The following GRIN3B variants were observed in gnomAD, a reference collection of about 807,000 sequenced individuals.
GRIN3B encodes the protein glutamate receptor ionotropic, NMDA 3B.
A neutral mutation model predicts 66.0 loss-of-function variants in GRIN3B; 77 were observed. The ratio of observed to expected loss-of-function variants is 1.17; its 90% CI spans 0.97 to 1.41. GRIN3B has a LOEUF of 1.41. GRIN3B is among the 40% of genes most tolerant of loss of function. The pLI, the probability that GRIN3B is intolerant of heterozygous loss-of-function variation, is 0.00. For missense variants in GRIN3B, 1,787 were observed against 1,564.5 expected (o/e 1.14, Z -2.40); for synonymous variants, 823 against 749.7 (o/e 1.10, Z -1.60).
In GRIN3B at chr19:1,003,409, GTCC is replaced by G. The variant is rs1165717015; in HGVS notation, c.712_714del (p.Leu238del). Reference sequence around the variant, plus strand: ...GGGTGAAGCACCGGTACCCGCGGCGGTCCTCCTCGGCTGTGACATCGCCCGTGC... The same window carrying G: ...GGGTGAAGCACCGGTACCCGCGGCGGTCCTCGGCTGTGACATCGCCCGTGC... On this transcript the variant is annotated inframe_deletion, in exon 2 of 9. Transcript: ENST00000234389. The G allele has an allele frequency of 8.4e-6, 13 of 1,549,594 alleles. No individual in the cohort carries two copies. In the African/African-American group the frequency reaches 1.1e-4, roughly 13 times the overall value.
rs145392111 is a variant in GRIN3B, at chr19:1,009,414, G to A, written c.2944G>A (p.Glu982Lys). The part of the protein sequence containing the change: ...ARPTGAPQPG[E>K]LQELERRIEV... The stretch of plus-strand genomic sequence containing the variant: ...GCCCACGGGGGCCCCCCAGCCCGGG[G>A]AGCTGCAGGAGCTGGAGCGCCGCAT... Residue 982 changes from glutamate (E) to lysine (K), a missense_variant, in exon 9 of 9, where the codon GAG becomes AAG. Physicochemically the swap from Glu to Lys is moderately conservative, Grantham distance 56. Transcript: ENST00000234389. 0.019 allele frequency: 27,272 copies of A among 1,439,540 alleles called. 299 individuals are homozygous for A. The highest frequency in any genetic ancestry group is 0.027 in the Middle Eastern group (111 of 4,072). The allele number at this position is 1,439,540 out of a possible 1,614,324, so 89.2% of individuals were successfully genotyped here. A position where few individuals can be genotyped will look rare whatever the true frequency, so the allele number is the denominator to read the frequency against.
At position 1,009,724 on chromosome 19, in the gene GRIN3B, G is replaced by A; in HGVS notation, c.*122G>A. 1.1e-6 allele frequency: 1 copy of A among 871,016 alleles called. No homozygotes were observed. Among genetic ancestry groups the A allele is most frequent in the Non-Finnish European group, 1.6e-6 (1 of 630,966 alleles). The allele number at this position is 871,016 out of a possible 1,614,324, so 54.0% of individuals were successfully genotyped here. A position where few individuals can be genotyped will look rare whatever the true frequency, so the allele number is the denominator to read the frequency against. ...ACTGCAATTAAATAGAATGGAATGAGCGCTCCTCCGCATTCCTCCCCGAGT... is the reference window on the plus strand; with the variant it reads ...ACTGCAATTAAATAGAATGGAATGAACGCTCCTCCGCATTCCTCCCCGAGT... On this transcript the variant is annotated 3_prime_UTR_variant, in exon 9 of 9. Coordinates refer to ENST00000234389, the MANE Select transcript of GRIN3B (RefSeq NM_138690.3).
rs765051614 is a variant in GRIN3B, at chr19:1,008,632, C to T, written c.2481C>T (p.Ser827=). 5 of 1,600,170 alleles carry T rather than the reference C, an allele frequency of 3.1e-6. No homozygotes were observed. Among genetic ancestry groups the T allele is most frequent in the Non-Finnish European group, 4.2e-6 (5 of 1,179,218 alleles). The change falls in exon 7 of 9, where the codon AGC becomes AGT. Residue 827 remains serine (S), a synonymous_variant. Transcript: ENST00000234389. ...VFAVTETLQM[S]IYHFAGLFVL... ...GTTGCCCCCAGACCCTGCAGATGAG[C>T]ATCTACCACTTCGCGGGCCTCTTCG... is the stretch of plus-strand genomic sequence containing the variant.
At chr19:1,008,313 AG>A in intron 6 of GRIN3B, 22 bp downstream of exon 6, 3 of 113,728 alleles carry the variant, frequency 2.6e-5, no homozygotes, top group South Asian at 5.2e-5. Context: ...CCTGGGACAG[AG>A]GGTGGGGGTG....
At chr19:1,006,584 C>A (rs1264535367) in intron 3 of GRIN3B, among the ~76,000 whole-genome samples, 2 of 152,146 alleles carry the variant, frequency 1.3e-5, no homozygotes, top group Non-Finnish European at 2.9e-5. Flanking sequence ...TGGGATTAGA[C>A]GTGAGCCATC....
At chr19:1,008,014 G>T (rs1278033025) in intron 5 of GRIN3B, 43 bp downstream of exon 5, 1 of 1,596,780 alleles carries the variant, frequency 6.3e-7, no homozygotes, top group Non-Finnish European at 8.6e-7. Flanking sequence ...GGTCTCTGGG[G>T]ACCTCCTGGG....
chr19:1,005,109 C>T lies in GRIN3B; in HGVS notation c.1608C>T (p.Ser536=), dbSNP rs143366277. ...HMAVTSFSIN[S]ARSQVVDFTS... is the part of the protein sequence containing the mutation. Reference sequence around the variant, plus strand: ...CGGTCACCAGCTTCAGTATCAACTCCGCCCGCTCACAGGTGGTGGACTTCA... The same window carrying T: ...CGGTCACCAGCTTCAGTATCAACTCTGCCCGCTCACAGGTGGTGGACTTCA... Residue 536 remains serine, a synonymous_variant, in exon 3 of 9, where the codon TCC becomes TCT. Transcript: ENST00000234389. The surrounding 1 kb of genome is among the most constrained non-coding windows in gnomAD (Gnocchi z 5.2). 4.2e-5 allele frequency: 67 copies of T among 1,613,002 alleles called. No individual in the cohort carries two copies. Among genetic ancestry groups the T allele is most frequent in the African/African-American group, 2.8e-4 (21 of 75,048 alleles).
rs774869873 is a variant in GRIN3B at position 1,008,867 on chromosome 19, G to C, written c.2642G>C (p.Arg881Pro). 2 of 1,597,306 alleles carry C rather than the reference G, an allele frequency of 1.3e-6. No homozygotes were observed. Among genetic ancestry groups the C allele is most frequent in the Non-Finnish European group, 1.7e-6 (2 of 1,171,784 alleles). ...TGTCTGGGGTCTTAGAAAATCCACC[G>C]CGCCCTCAACACGGAGCCACCAGAG... ...YWLHTSQKIHRALNTEPPEGS... is the reference protein window; with the variant it reads ...YWLHTSQKIHPALNTEPPEGS... The change falls in exon 8 of 9, where the codon CGC becomes CCC. Residue 881 changes from arginine (R) to proline (P), a missense_variant. Physicochemically the swap from Arg to Pro is moderately radical, Grantham distance 103. Transcript: ENST00000234389.
Position 1,000,675 on chromosome 19 carries a change from C to T in GRIN3B, c.238C>T (p.Pro80Ser), listed in dbSNP as rs2038674713. The T allele has an allele frequency of 7.4e-7, 1 of 1,345,032 alleles. No individual in the cohort carries two copies. The highest frequency in any genetic ancestry group is 3.3e-5 in the East Asian group (1 of 30,748). The allele number at this position is 1,345,032 out of a possible 1,614,324, so 83.3% of individuals were successfully genotyped here. A position where few individuals can be genotyped will look rare whatever the true frequency, so the allele number is the denominator to read the frequency against. ...LSLELVVAAPPARDPASLTRG... is the reference protein window; with the variant it reads ...LSLELVVAAPSARDPASLTRG... ...CTTGGAGCTGGTGGTCGCCGCGCCC[C>T]CCGCCCGCGACCCCGCCTCGCTGAC... is the stretch of plus-strand genomic sequence containing the variant. The change falls in exon 1 of 9, where the codon CCC (proline) becomes TCC (serine). Residue 80 changes from proline (P) to serine (S), a missense_variant. Transcript: ENST00000234389.
chr19:1,004,013 T>C (rs1441273197), intron 2 of GRIN3B, among the ~76,000 whole-genome samples: 1 of 152,220 alleles, frequency 6.6e-6, no homozygotes, highest in Non-Finnish European at 1.5e-5. Context: ...CGCTTGAGCC[T>C]GTGAGGTCCA....
chr19:1,004,694 C>G lies in GRIN3B; in HGVS notation c.1193C>G (p.Pro398Arg). 1.9e-6 allele frequency: 3 copies of G among 1,602,132 alleles called. No homozygotes were observed. The highest frequency in any genetic ancestry group is 2.6e-6 in the Non-Finnish European group (3 of 1,174,192). The part of the protein sequence containing the change: ...SWRDGQLDLE[P>R]GGASARPPPP... ...CGGGACGGCCAGCTGGACTTGGAACCGGGAGGTGCCTCTGCACGGCCCCCG... is the reference window on the plus strand; with the variant it reads ...CGGGACGGCCAGCTGGACTTGGAACGGGGAGGTGCCTCTGCACGGCCCCCG... The change falls in exon 3 of 9, where the codon CCG becomes CGG. Residue 398 changes from proline to arginine, a missense_variant. Physicochemically the swap from Pro to Arg is moderately radical, Grantham distance 103. Coordinates refer to ENST00000234389, the MANE Select transcript of GRIN3B (RefSeq NM_138690.3).
rs371067044 is a variant in GRIN3B at position 1,005,007 on chromosome 19, C to T, written c.1506C>T (p.Asp502=). The change falls in exon 3 of 9, where the codon GAC becomes GAT. Residue 502 remains aspartate (D), a synonymous_variant. Transcript: ENST00000234389. This position sits in a 1 kb window ranked among gnomAD's most constrained non-coding sequence, Gnocchi z 5.2. ...ACTTCGAGCTGTACCTCGTGGGTGACGGCAAGTACGGCGCCCTGCGGGACG... is the reference window on the plus strand; with the variant it reads ...ACTTCGAGCTGTACCTCGTGGGTGATGGCAAGTACGGCGCCCTGCGGGACG... ...PFDFELYLVG[D]GKYGALRDGR... The T allele has an allele frequency of 1.2e-5, 19 of 1,612,002 alleles. No homozygotes were observed. Among genetic ancestry groups the T allele is most frequent in the African/African-American group, 4.0e-5 (3 of 74,904 alleles).
chr19:1,004,791 C>T lies in GRIN3B; in HGVS notation c.1290C>T (p.Ala430=). ...VTLLEHPFVF[A]RDPDEDGQCP... Reference sequence around the variant, plus strand: ...TGTTGGAACACCCATTTGTGTTTGCCCGTGATCCAGACGAAGACGGGCAGT... The same window carrying T: ...TGTTGGAACACCCATTTGTGTTTGCTCGTGATCCAGACGAAGACGGGCAGT... Residue 430 remains alanine (A), a synonymous_variant, in exon 3 of 9, where the codon GCC becomes GCT. Coordinates refer to ENST00000234389, the MANE Select transcript of GRIN3B (RefSeq NM_138690.3). 2 of 1,612,850 alleles carry T rather than the reference C, an allele frequency of 1.2e-6. No homozygotes were observed. The highest frequency in any genetic ancestry group is 1.7e-5 in the Admixed American group (1 of 60,024).
At position 1,003,299 on chromosome 19, in the gene GRIN3B, C is replaced by T. The variant is rs1257051991; in HGVS notation, c.596C>T (p.Pro199Leu). 2 of 1,572,402 alleles carry T rather than the reference C, an allele frequency of 1.3e-6. No individual in the cohort carries two copies. Among genetic ancestry groups the T allele is most frequent in the East Asian group, 4.7e-5 (2 of 42,816 alleles). ...ALWTSRAGRPPQLVLDLSRRD... is the reference protein window; with the variant it reads ...ALWTSRAGRPLQLVLDLSRRD... The stretch of plus-strand genomic sequence containing the variant: ...TGGACAAGCCGGGCTGGCCGGCCCC[C>T]ACAGCTGGTCCTGGACCTAAGCCGG... The change falls in exon 2 of 9, where the codon CCA becomes CTA. Residue 199 changes from proline (P) to leucine (L), a missense_variant. By Grantham distance (98) the Pro-to-Leu change is moderately conservative (BLOSUM62 -3). Coordinates refer to ENST00000234389, the MANE Select transcript of GRIN3B (RefSeq NM_138690.3).
chr19:1,009,268 G>T lies in GRIN3B; in HGVS notation c.2798G>T (p.Arg933Leu). 1 of 1,421,150 alleles carries T rather than the reference G, an allele frequency of 7.0e-7. No individual in the cohort carries two copies. Among genetic ancestry groups the T allele is most frequent in the Non-Finnish European group, 9.1e-7 (1 of 1,098,740 alleles). 88.0% of individuals were successfully genotyped at this position (1,421,150 alleles called of 1,614,324 possible). A position where few individuals can be genotyped will look rare whatever the true frequency, so the allele number is the denominator to read the frequency against. The change falls in exon 9 of 9, where the codon CGC becomes CTC. Residue 933 changes from arginine to leucine, a missense_variant. By Grantham distance (102) the Arg-to-Leu change is moderately radical (BLOSUM62 -2). Transcript: ENST00000234389. ...CGCCGGGCCGTGGACAAGGAGCGCCGCGTGCGCTTCCTGCTGGAGCCCGCC... is the reference window on the plus strand; with the variant it reads ...CGCCGGGCCGTGGACAAGGAGCGCCTCGTGCGCTTCCTGCTGGAGCCCGCC... Reference protein sequence around the residue: ...RARRAVDKERRVRFLLEPAVV... With the variant: ...RARRAVDKERLVRFLLEPAVV...
chr19:1,005,223 C>T lies in GRIN3B; in HGVS notation c.1722C>T (p.His574=). The T allele has an allele frequency of 6.2e-7, 1 of 1,613,532 alleles. No individual in the cohort carries two copies. Among genetic ancestry groups the T allele is most frequent in the Non-Finnish European group, 8.5e-7 (1 of 1,179,938 alleles). ...TCGGTGCCTTTATGTGGCCCCTGCA[C>T]TGGTCCACGTGGCTGGGCGTCTTTG... ...SPIGAFMWPL[H]WSTWLGVFAA... The change falls in exon 3 of 9, where the codon CAC becomes CAT. Residue 574 remains histidine (H), a synonymous_variant. Coordinates refer to ENST00000234389, the MANE Select transcript of GRIN3B (RefSeq NM_138690.3). This position sits in a 1 kb window ranked among gnomAD's most constrained non-coding sequence, Gnocchi z 5.2.
chr19:1,003,448 C>T lies in GRIN3B; in HGVS notation c.745C>T (p.Leu249=), dbSNP rs1163546332. ...GCDIARARRV[L]EAVPPGPHWL... ...TGACATCGCCCGTGCCCGTCGGGTG[C>T]TGGAGGCCGTACCTCCCGGCCCCCA... The change falls in exon 2 of 9, where the codon CTG becomes TTG. Residue 249 remains leucine (L), a synonymous_variant. Transcript: ENST00000234389. 1.3e-6 allele frequency: 2 copies of T among 1,539,692 alleles called. No individual in the cohort carries two copies. Among genetic ancestry groups the T allele is most frequent in the South Asian group, 1.2e-5 (1 of 84,264 alleles).
At position 1,008,669 on chromosome 19, in the gene GRIN3B, C is replaced by T. The variant is rs1288222887; in HGVS notation, c.2518C>T (p.Leu840=). ...CGCGGGCCTCTTCGTGTTGCTGTGC[C>T]TGGGCCTGGGCAGCGCTCTGCTCAG... ...HFAGLFVLLC[L]GLGSALLSSL... The change falls in exon 7 of 9, where the codon CTG becomes TTG. Residue 840 remains leucine, a synonymous_variant. Transcript: ENST00000234389. 2.5e-6 allele frequency: 4 copies of T among 1,605,142 alleles called. No individual in the cohort carries two copies. Among genetic ancestry groups the T allele is most frequent in the Non-Finnish European group, 3.4e-6 (4 of 1,179,808 alleles).
chr19:1,005,377 A>G lies in GRIN3B; in HGVS notation c.1876A>G (p.Ile626Val). 6.2e-7 allele frequency: 1 copy of G among 1,613,724 alleles called. No individual in the cohort carries two copies. The highest frequency in any genetic ancestry group is 8.5e-7 in the Non-Finnish European group (1 of 1,180,002). The change falls in exon 3 of 9, where the codon ATC (isoleucine) becomes GTC (valine). Residue 626 changes from isoleucine to valine, a missense_variant. Ile to Val is a conservative substitution (Grantham distance 29). Coordinates refer to ENST00000234389, the MANE Select transcript of GRIN3B (RefSeq NM_138690.3). The surrounding 1 kb of genome is among the most constrained non-coding windows in gnomAD (Gnocchi z 5.2). ...YSSALNLCYA[I>V]LFRRTVSSKT... ...CTCAGCCCTCAACCTGTGCTACGCC[A>G]TCCTCTTCAGACGCACCGTGTCCAG...
Sources: gnomAD v4.1 joint callset for allele counts (sites outside exome capture counted in the v4.1 genomes callset) on GRCh38, gnomAD v4.1.1 for gene constraint, Gnocchi (gnomAD v3.1) non-coding constraint, MANE v1.5 for transcripts, NCBI Gene and HGNC (gene_info 2026-07-23, HGNC 2026-07-21) for gene names.